The following CHCHD6 variants were observed in gnomAD, a reference collection of about 807,000 sequenced individuals.
The protein encoded by CHCHD6 is coiled-coil-helix-coiled-coil-helix domain containing 6.
A neutral mutation model predicts 32.3 loss-of-function variants in CHCHD6; 28 were observed. The observed-to-expected ratio is 0.87, with a 90% CI of 0.64 to 1.19. The LOEUF (loss-of-function observed/expected upper bound fraction) is 1.19. Among genes scored for constraint, CHCHD6 ranks in the 50% most tolerant of loss-of-function variants. CHCHD6 has a pLI of 0.00. For missense variants in CHCHD6, 333 were observed against 307.0 expected (o/e 1.08, Z -0.63); for synonymous variants, 122 against 117.5 (o/e 1.04, Z -0.25).
intron 4 of CHCHD6, among the ~76,000 whole-genome samples, chr3:126,779,554 A>AAAAG (rs1318794983): frequency 1.3e-5 from 2 of 151,774 alleles, no homozygotes; most frequent in Admixed American, 1.3e-4. Flanking sequence ...AAAAAAAAAA[A>AAAAG]AAAGAATTTT....
At chr3:126,849,873 G>A (rs886483954) in intron 4 of CHCHD6, among the ~76,000 whole-genome samples, 7 of 152,288 alleles carry the variant, frequency 4.6e-5, no homozygotes, top group African/African-American at 1.4e-4. Flanking sequence ...GGTAAGTGAC[G>A]CACTCAGGCA....
In CHCHD6 at chr3:126,863,682, C is replaced by T. The variant is rs551113895; in HGVS notation, c.495+10952C>T. 2.9e-3 allele frequency among the ~76,000 whole-genome samples: 433 copies of T among 148,170 alleles called. 5 individuals are homozygous for T. The highest frequency in any genetic ancestry group is 0.01 in the African/African-American group (404 of 39,130). On this transcript the variant is annotated intron_variant, in intron 5 of 7. Coordinates refer to ENST00000290913, the MANE Select transcript of CHCHD6 (RefSeq NM_032343.3). ...CCTCCTCCACCATCACCACCTCCTC[C>T]TCCTCCACCATCACCACCTCCTCCT... is the stretch of plus-strand genomic sequence containing the variant.
At chr3:126,868,752 T>C (rs893934895) in intron 5 of CHCHD6, among the ~76,000 whole-genome samples, 3 of 152,248 alleles carry the variant, frequency 2.0e-5, no homozygotes, top group Non-Finnish European at 4.4e-5. Flanking sequence ...TGCCATAATT[T>C]GCTCCACCTA....
In CHCHD6 at chr3:126,732,966, G is replaced by C. The variant is rs1356180968; in HGVS notation, c.267-112G>C. On this transcript the variant is annotated intron_variant, in intron 3 of 7. Transcript: ENST00000290913. Reference sequence around the variant, plus strand: ...TCTCTCCTTTCCTGACCAGCCGCTGGCTGGTTTCAGCATTTCCCTGGTGGC... The same window carrying C: ...TCTCTCCTTTCCTGACCAGCCGCTGCCTGGTTTCAGCATTTCCCTGGTGGC... 7 of 1,204,246 alleles carry C rather than the reference G, an allele frequency of 5.8e-6. No homozygotes were observed. The African/African-American group carries it at 1.0e-4, about 18-fold the overall frequency. The allele number at this position is 1,204,246 out of a possible 1,614,324, so 74.6% of individuals were successfully genotyped here. A position where few individuals can be genotyped will look rare whatever the true frequency, so the allele number is the denominator to read the frequency against.
rs1576419454 is a variant in CHCHD6, at chr3:126,790,476, T to C, written c.411+57254T>C. Reference sequence around the variant, plus strand: ...CAGGTACACCAATCAGACGTAGATTTGGTCCTTTCACATAGTCCCATATTT... The same window carrying C: ...CAGGTACACCAATCAGACGTAGATTCGGTCCTTTCACATAGTCCCATATTT... On this transcript the variant is annotated intron_variant, in intron 4 of 7. Transcript: ENST00000290913. Among the ~76,000 whole-genome samples the C allele has an allele frequency of 2.6e-5, 4 of 152,378 alleles. No individual in the cohort carries two copies. In the East Asian group the frequency reaches 7.7e-4, roughly 29 times the overall value.
chr3:126,736,836 G>T (rs992285758), intron 4 of CHCHD6, among the ~76,000 whole-genome samples: 1 of 152,054 alleles, frequency 6.6e-6, no homozygotes, highest in African/African-American at 2.4e-5. Flanking sequence ...AAACATTCTG[G>T]GAAGAAATAA....
At chr3:126,959,602 C>T (rs1389932759) in intron 7 of CHCHD6, among the ~76,000 whole-genome samples, 1 of 152,236 alleles carries the variant, frequency 6.6e-6, no homozygotes, top group Non-Finnish European at 1.5e-5. Flanking sequence ...GGTGGGGCAG[C>T]ACTGCTTCTC....
At chr3:126,733,045 A>C in intron 3 of CHCHD6, 33 bp from the exon 4 acceptor site, 1 of 1,609,824 alleles carries the variant, frequency 6.2e-7, no homozygotes, top group South Asian at 1.1e-5. Context: ...CATGCCATCC[A>C]CATCTGTTTC....
At chr3:126,764,504 G>A (rs1230369775) in intron 4 of CHCHD6, among the ~76,000 whole-genome samples, 2 of 152,138 alleles carry the variant, frequency 1.3e-5, no homozygotes, top group Non-Finnish European at 2.9e-5. Context: ...AGGGAGGTGC[G>A]GGACAAGGCA....
At chr3:126,919,199 A>G (rs2078209839) in intron 6 of CHCHD6, among the ~76,000 whole-genome samples, 1 of 152,026 alleles carries the variant, frequency 6.6e-6, no homozygotes, top group Non-Finnish European at 1.5e-5. Context: ...TGTATTGTCA[A>G]TTAGGTTAAG....
intron 5 of CHCHD6, among the ~76,000 whole-genome samples, chr3:126,889,228 C>T (rs1251219741): frequency 6.6e-6 from 1 of 152,128 alleles, no homozygotes; most frequent in Non-Finnish European, 1.5e-5. Context: ...CAGGGCAGGG[C>T]TGCTGAGGGC....
intron 4 of CHCHD6, among the ~76,000 whole-genome samples, chr3:126,817,864 T>A (rs1939975626): frequency 6.6e-6 from 1 of 151,122 alleles, no homozygotes; most frequent in African/African-American, 2.4e-5. Flanking sequence ...TCTTCCCCAT[T>A]TTCTATTTGA....
intron 6 of CHCHD6, among the ~76,000 whole-genome samples, chr3:126,940,668 CA>C (rs1435495240): frequency 2.0e-5 from 3 of 152,280 alleles, no homozygotes; most frequent in African/African-American, 7.2e-5. Context: ...ATTTTCACTC[CA>C]AAAACGCTAG....
At chr3:126,711,262 C>T (rs1376133562) in intron 1 of CHCHD6, among the ~76,000 whole-genome samples, 3 of 152,160 alleles carry the variant, frequency 2.0e-5, no homozygotes, top group South Asian at 2.1e-4. Context: ...GCCAAGCTGG[C>T]GATCTTGTGG....
chr3:126,710,548 G>T (rs1400840987), intron 1 of CHCHD6, among the ~76,000 whole-genome samples: 1 of 152,138 alleles, frequency 6.6e-6, no homozygotes, highest in African/African-American at 2.4e-5. Flanking sequence ...TTAGCAACAT[G>T]GAGTCTGCCA....
intron 5 of CHCHD6, among the ~76,000 whole-genome samples, chr3:126,906,321 T>A (rs1333176571): frequency 6.6e-6 from 1 of 152,230 alleles, no homozygotes; most frequent in Admixed American, 6.5e-5. Flanking sequence ...CTTCCACTCT[T>A]TCTTCCCAGT....
intron 4 of CHCHD6, among the ~76,000 whole-genome samples, chr3:126,752,270 T>G (rs1356850021): frequency 8.5e-5 from 13 of 152,174 alleles, no homozygotes; most frequent in Admixed American, 8.5e-4. Flanking sequence ...CCAGCAGTTT[T>G]GGTTGTTGCC....
At position 126,794,476 on chromosome 3, in the gene CHCHD6, C is replaced by T. The variant is rs866420772; in HGVS notation, c.412-58171C>T. Reference sequence around the variant, plus strand: ...TATTACATTTATTTGTATAAGTTTACATTATCCATTAAATCCATTTTTATA... The same window carrying T: ...TATTACATTTATTTGTATAAGTTTATATTATCCATTAAATCCATTTTTATA... On this transcript the variant is annotated intron_variant, in intron 4 of 7. Coordinates refer to ENST00000290913, the MANE Select transcript of CHCHD6 (RefSeq NM_032343.3). Among the ~76,000 whole-genome samples, 16 of 149,916 alleles carry T rather than the reference C, an allele frequency of 1.1e-4. No individual in the cohort carries two copies. In the Middle Eastern group the frequency reaches 0.011, roughly 99 times the overall value.
intron 5 of CHCHD6, among the ~76,000 whole-genome samples, chr3:126,912,924 A>AG (rs2078112396): frequency 6.6e-6 from 1 of 151,240 alleles, no homozygotes; most frequent in East Asian, 2.0e-4. Flanking sequence ...CAGAAGGCCG[A>AG]GGGGGGTCCG....
Sources: gnomAD v4.1 joint callset for allele counts (sites outside exome capture counted in the v4.1 genomes callset) on GRCh38, gnomAD v4.1.1 for gene constraint, MANE v1.5 for transcripts, NCBI Gene and HGNC (gene_info 2026-07-23, HGNC 2026-07-21) for gene names.